MORN1: variants seen among roughly 807,000 people sequenced by gnomAD.
The protein encoded by MORN1 is MORN repeat-containing protein 1.
In MORN1, 67 loss-of-function variants were observed where a neutral mutation model predicts 61.9. The observed-to-expected ratio is 1.08, with a 90% CI of 0.89 to 1.33. The LOEUF is 1.33. Among genes scored for constraint, MORN1 ranks in the 40% most tolerant of loss-of-function variants. The probability of loss-of-function intolerance (pLI) is 0.00; values close to 1 mark genes in which losing one functional copy is unlikely to be tolerated. For missense variants in MORN1, 752 were observed against 691.2 expected (o/e 1.09, Z -0.99); for synonymous variants, 301 against 292.0 (o/e 1.03, Z -0.31).
intron 12 of MORN1, chr1:2,332,896 G>A (rs1641189611): frequency 2.7e-6 from 1 of 364,202 alleles, no homozygotes; most frequent in South Asian, 2.0e-5. Flanking sequence ...CGGGGACTGG[G>A]GCTCGGGCTG....
At chr1:2,328,002 G>A (rs1389581483) in intron 12 of MORN1, among the ~76,000 whole-genome samples, 2 of 152,222 alleles carry the variant, frequency 1.3e-5, no homozygotes, top group Non-Finnish European at 2.9e-5. Flanking sequence ...AGACAGCAGC[G>A]AGCCACCGAG....
intron 10 of MORN1, among the ~76,000 whole-genome samples, chr1:2,338,277 G>T (rs1469338963): frequency 1.3e-5 from 2 of 152,184 alleles, no homozygotes; most frequent in African/African-American, 4.8e-5. Context: ...GTGCATTATA[G>T]AGAGAAAGTC....
At chr1:2,331,282 A>AC in intron 12 of MORN1, among the ~76,000 whole-genome samples, 1 of 151,744 alleles carries the variant, frequency 6.6e-6, no homozygotes, top group Admixed American at 6.5e-5. Context: ...CCTGGTCAGC[A>AC]CCTCTCCCTG....
At chr1:2,358,816 C>A (rs139402066) in intron 8 of MORN1, 101 bp from the exon 9 acceptor site, 28,925 of 1,428,914 alleles carry the variant, frequency 0.02, 345 homozygotes, top group Non-Finnish European at 0.023. Context: ...TATAACTCAG[C>A]GGGGCCACAT....
chr1:2,325,873 C>T (rs1641016128), intron 12 of MORN1, among the ~76,000 whole-genome samples: 1 of 152,192 alleles, frequency 6.6e-6, no homozygotes, highest in African/African-American at 2.4e-5. Context: ...GATCTTCCCA[C>T]CTCGGCTTCC....
At position 2,391,464 on chromosome 1, in the gene MORN1, G is replaced by A. The variant is rs571636981; in HGVS notation, c.70C>T (p.Arg24Trp). 1 of 1,255,536 alleles carries A rather than the reference G, an allele frequency of 8.0e-7. No homozygotes were observed. The highest frequency in any genetic ancestry group is 3.5e-5 in the South Asian group (1 of 28,908). 77.8% of individuals were successfully genotyped at this position (1,255,536 alleles called of 1,614,324 possible). ...CGTGGCCCGCAGTCGTTACCGTTCC[G>A]GGGCGGCCGCCTAGGCGGGTCCCGA... is the stretch of plus-strand genomic sequence containing the variant. The part of the protein sequence containing the change: ...PRRDPPRRPP[R>W]NGYGVYVYPN... The change falls in exon 1 of 14, where the codon CGG becomes TGG. Residue 24 changes from arginine (R) to tryptophan (W), a missense_variant. Transcript: ENST00000378531.
At chr1:2,352,024 C>T (rs1641660908) in intron 10 of MORN1, 7 of 543,846 alleles carry the variant, frequency 1.3e-5, no homozygotes, top group South Asian at 1.2e-4. Flanking sequence ...ATTAGAGGTC[C>T]ACCTCCCCTA....
chr1:2,361,211 A>C lies in MORN1; in HGVS notation c.746-2496T>G, dbSNP rs150369324. Among the ~76,000 whole-genome samples the C allele has an allele frequency of 1.8e-4, 28 of 152,346 alleles. No homozygotes were observed. The East Asian group carries it at 3.1e-3, about 17-fold the overall frequency. ...CAGTAGAGGACATTCAAGCATGGTG[A>C]TCATAACTGTATTCCATGTTCCAAA... is the stretch of plus-strand genomic sequence containing the variant. On this transcript the variant is annotated intron_variant, in intron 8 of 13. Coordinates refer to ENST00000378531, the MANE Select transcript of MORN1 (RefSeq NM_024848.3).
At position 2,337,965 on chromosome 1, in the gene MORN1, G is replaced by C. The variant is rs540219323; in HGVS notation, c.1037-1115C>G. Among the ~76,000 whole-genome samples the C allele has an allele frequency of 1.1e-4, 16 of 152,352 alleles. No individual in the cohort carries two copies. The highest frequency in any genetic ancestry group is 3.4e-4 in the African/African-American group (14 of 41,594). On this transcript the variant is annotated intron_variant, in intron 10 of 13. Coordinates refer to ENST00000378531, the MANE Select transcript of MORN1 (RefSeq NM_024848.3). This position sits in a 1 kb window ranked among gnomAD's most constrained non-coding sequence, Gnocchi z 5.7. ...GACAGTGCCCAGGAGGGAAGGAGGA[G>C]TCAGGGGCTGCTGAGGGGTGCACAG...
At chr1:2,330,396 G>T (rs1414312059) in intron 12 of MORN1, among the ~76,000 whole-genome samples, 1 of 152,214 alleles carries the variant, frequency 6.6e-6, no homozygotes, top group African/African-American at 2.4e-5. Context: ...AGGGAGGAAC[G>T]GGTCGGTGTC....
At chr1:2,374,407 G>A in intron 7 of MORN1, 54 bp downstream of exon 7, 1 of 1,492,868 alleles carries the variant, frequency 6.7e-7, no homozygotes, top group East Asian at 2.5e-5. Context: ...CGGGGGCCAG[G>A]GACACACCCC....
At chr1:2,390,836 C>A in intron 1 of MORN1, 1 of 757,590 alleles carries the variant, frequency 1.3e-6, no homozygotes, top group South Asian at 6.0e-5. Flanking sequence ...GCAACCTCCG[C>A]TTCCTGGGTT....
At chr1:2,335,829 A>AGCCCAGCCCAGCCCAGCCCG (rs1641258539) in intron 12 of MORN1, among the ~76,000 whole-genome samples, 1 of 139,352 alleles carries the variant, frequency 7.2e-6, no homozygotes. Context: ...TCGCCTCCAT[A>AGCCCAGCCCAGCCCAGCCCG]GCCCAGCCCA....
chr1:2,352,672 A>T (rs916814589), intron 10 of MORN1: 2 of 152,358 alleles, frequency 1.3e-5, no homozygotes, highest in Non-Finnish European at 2.9e-5. Flanking sequence ...GGCTGCCCAG[A>T]CCTGGAGCTT....
chr1:2,348,791 GCACACGCACTCCTGCGCGGGCACGCACA>G (rs1403109936), intron 10 of MORN1, among the ~76,000 whole-genome samples: 4 of 141,194 alleles, frequency 2.8e-5, no homozygotes, highest in Non-Finnish European at 6.1e-5. Context: ...ACACACGCAC[GCACACGCACTCCTGCGCGGGCACGCACA>G]CACACGCACG....
At chr1:2,347,531 C>A (rs1274147295) in intron 10 of MORN1, among the ~76,000 whole-genome samples, 1 of 152,154 alleles carries the variant, frequency 6.6e-6, no homozygotes, top group African/African-American at 2.4e-5. Context: ...GGCCCACACA[C>A]CCCATGACCT....
chr1:2,367,980 C>T (rs1392468267), intron 8 of MORN1, among the ~76,000 whole-genome samples: 1 of 152,128 alleles, frequency 6.6e-6, no homozygotes, highest in Admixed American at 6.5e-5. Context: ...TCCATGACTC[C>T]AGACTAAGCA....
At chr1:2,335,829 A>AGCCCAGCCCAGCGCGGCCCG (rs1553208733) in intron 12 of MORN1, among the ~76,000 whole-genome samples, 1 of 139,352 alleles carries the variant, frequency 7.2e-6, no homozygotes, top group Admixed American at 6.8e-5. Flanking sequence ...TCGCCTCCAT[A>AGCCCAGCCCAGCGCGGCCCG]GCCCAGCCCA....
chr1:2,359,566 G>A (rs1290369547), intron 8 of MORN1, among the ~76,000 whole-genome samples: 1 of 152,174 alleles, frequency 6.6e-6, no homozygotes, highest in African/African-American at 2.4e-5. Context: ...AGGCAAGATG[G>A]CTGTGCCGAG....
Sources: gnomAD v4.1 joint callset for allele counts (sites outside exome capture counted in the v4.1 genomes callset) on GRCh38, gnomAD v4.1.1 for gene constraint, Gnocchi (gnomAD v3.1) non-coding constraint, MANE v1.5 for transcripts, NCBI Gene and HGNC (gene_info 2026-07-23, HGNC 2026-07-21) for gene names.